BRSK1: variants seen among roughly 807,000 people sequenced by gnomAD.
The protein encoded by BRSK1 is BR serine/threonine kinase 1.
A neutral mutation model predicts 86.2 loss-of-function variants in BRSK1; 17 were observed. The observed-to-expected ratio is 0.20, with a 90% CI of 0.14 to 0.30. The LOEUF is 0.30. BRSK1 is among the 10% of genes least tolerant of loss of function. The probability of loss-of-function intolerance (pLI) is 1.00; values close to 1 mark genes in which losing one functional copy is unlikely to be tolerated. For missense variants in BRSK1, 719 were observed against 1,071.9 expected (o/e 0.67, Z 4.60); for synonymous variants, 464 against 440.1 (o/e 1.05, Z -0.68).
chr19:55,293,501 CAATAAATA>C (rs547605694), intron 4 of BRSK1, among the ~76,000 whole-genome samples: 3 of 148,442 alleles, frequency 2.0e-5, no homozygotes, highest in Non-Finnish European at 3.0e-5. Context: ...GACTCCATCT[CAATAAATA>C]AATAAATAAA....
In BRSK1 at chr19:55,311,912, C is replaced by T. The variant is rs763758750; in HGVS notation, c.2181C>T (p.Asp727=). The T allele has an allele frequency of 1.6e-5, 26 of 1,611,150 alleles. No individual in the cohort carries two copies. The highest frequency in any genetic ancestry group is 3.3e-5 in the South Asian group (3 of 90,928). The change falls in exon 19 of 19, where the codon GAC becomes GAT. Residue 727 remains aspartate (D), a splice_region_variant and synonymous_variant. Transcript: ENST00000309383. The part of the protein sequence containing the change: ...HDQPSVQALA[D]EKNGAQTRPA... ...GAAAAACCTCTTCCTCCCTTGCAGACGAGAAGAACGGGGCCCAGACCCGGC... is the reference window on the plus strand; with the variant it reads ...GAAAAACCTCTTCCTCCCTTGCAGATGAGAAGAACGGGGCCCAGACCCGGC...
rs573142071 is a variant in BRSK1, at chr19:55,303,209, C to G, written c.1029-102C>G. 1.1e-4 allele frequency: 101 copies of G among 928,680 alleles called. No individual in the cohort carries two copies. In the African/African-American group the frequency reaches 1.4e-3, roughly 13 times the overall value. 57.5% of individuals were successfully genotyped at this position (928,680 alleles called of 1,614,324 possible). A position where few individuals can be genotyped will look rare whatever the true frequency, so the allele number is the denominator to read the frequency against. On this transcript the variant is annotated intron_variant, in intron 10 of 18. Transcript: ENST00000309383. The surrounding 1 kb of genome is among the most constrained non-coding windows in gnomAD (Gnocchi z 5.1). ...TACTGATACCTAGAAAAAATGGAAC[C>G]ATGGGCAGAAATACAGGGAGCGGAG...
chr19:55,289,663 C>T, intron 4 of BRSK1, 43 bp downstream of exon 4: 1 of 1,604,102 alleles, frequency 6.2e-7, no homozygotes, highest in Non-Finnish European at 8.5e-7. Flanking sequence ...GAGGGCTGCC[C>T]AGCAGACAGG....
At chr19:55,308,755 G>C (rs2088709228) in intron 18 of BRSK1, 27 bp downstream of exon 18, 1 of 608,044 alleles carries the variant, frequency 1.6e-6, no homozygotes, top group African/African-American at 2.5e-5. Context: ...TGGGTGGTGG[G>C]GGGCGTGGGT....
At position 55,312,220 on chromosome 19, in the gene BRSK1, T is replaced by G; in HGVS notation, c.*152T>G. The G allele has an allele frequency of 2.4e-6, 1 of 408,968 alleles. No homozygotes were observed. The allele number at this position is 408,968 out of a possible 1,614,324, so 25.3% of individuals were successfully genotyped here. ...TGCAGGGATGGGGCTCCACAGGCCG[T>G]GCCCAACTGGGGGTGGTTCTAGGGG... On this transcript the variant is annotated 3_prime_UTR_variant, in exon 19 of 19. Transcript: ENST00000309383.
Position 55,310,971 on chromosome 19 carries a change from GT to G in BRSK1, c.2180-933del, listed in dbSNP as rs929335675. Among the ~76,000 whole-genome samples, 9 of 151,986 alleles carry G rather than the reference GT, an allele frequency of 5.9e-5. No homozygotes were observed. The highest frequency in any genetic ancestry group is 2.2e-4 in the African/African-American group (9 of 41,476). ...GACAAGCCCCCCAGTTTTTGTTTTTGTTTTTTTGAGACAGAATCTCCCTCTG... is the reference window on the plus strand; with the variant it reads ...GACAAGCCCCCCAGTTTTTGTTTTTGTTTTTTGAGACAGAATCTCCCTCTG... On this transcript the variant is annotated intron_variant, in intron 18 of 18. Coordinates refer to ENST00000309383, the MANE Select transcript of BRSK1 (RefSeq NM_032430.2). This position sits in a 1 kb window ranked among gnomAD's most constrained non-coding sequence, Gnocchi z 5.0.
intron 3 of BRSK1, among the ~76,000 whole-genome samples, chr19:55,288,975 CG>C (rs1407432873): frequency 6.6e-6 from 1 of 152,094 alleles, no homozygotes; most frequent in Non-Finnish European, 1.5e-5. Context: ...ACCTTGCAAT[CG>C]TTAATACTCG....
chr19:55,308,624 C>G lies in BRSK1; in HGVS notation c.2090-15C>G. On this transcript the variant is annotated splice_polypyrimidine_tract_variant and intron_variant, in intron 17 of 18. Transcript: ENST00000309383. Reference sequence around the variant, plus strand: ...GACCCCCAGTCAGTGTTTTTCTGCCCGCCTGTGCCTCTAGGTCCCAGCCGT... The same window carrying G: ...GACCCCCAGTCAGTGTTTTTCTGCCGGCCTGTGCCTCTAGGTCCCAGCCGT... The G allele has an allele frequency of 1.2e-6, 2 of 1,606,914 alleles. No homozygotes were observed. The highest frequency in any genetic ancestry group is 3.3e-4 in the Middle Eastern group (2 of 6,032).
chr19:55,303,886 C>G lies in BRSK1; in HGVS notation c.1286+60C>G, dbSNP rs1389964438. The G allele has an allele frequency of 1.3e-6, 2 of 1,530,104 alleles. No individual in the cohort carries two copies. Among genetic ancestry groups the G allele is most frequent in the Non-Finnish European group, 1.8e-6 (2 of 1,139,172 alleles). 94.8% of individuals were successfully genotyped at this position (1,530,104 alleles called of 1,614,324 possible). A position where few individuals can be genotyped will look rare whatever the true frequency, so the allele number is the denominator to read the frequency against. On this transcript the variant is annotated intron_variant, in intron 12 of 18. Transcript: ENST00000309383. This position sits in a 1 kb window ranked among gnomAD's most constrained non-coding sequence, Gnocchi z 5.1. ...TCCCTGGGTCTAGGAGTTCAAGATTCTAACCCCAGCTCTACCTCAAATGTG... is the reference window on the plus strand; with the variant it reads ...TCCCTGGGTCTAGGAGTTCAAGATTGTAACCCCAGCTCTACCTCAAATGTG...
chr19:55,309,421 G>A (rs1020760228), intron 18 of BRSK1, among the ~76,000 whole-genome samples: 8 of 152,196 alleles, frequency 5.3e-5, no homozygotes, highest in African/African-American at 1.7e-4. Context: ...GCTACTATAA[G>A]AAAATACCAT....
chr19:55,308,539 G>A (rs931397811), intron 17 of BRSK1, 100 bp from the exon 18 acceptor site: 4 of 804,068 alleles, frequency 5.0e-6, no homozygotes, highest in Non-Finnish European at 6.6e-6. Context: ...TGCAGGGGGG[G>A]TGTTGTGTGC....
chr19:55,304,615 C>T lies in BRSK1; in HGVS notation c.1412C>T (p.Pro471Leu). The T allele has an allele frequency of 1.9e-6, 3 of 1,561,080 alleles. No homozygotes were observed. The highest frequency in any genetic ancestry group is 2.4e-5 in the South Asian group (2 of 84,734). Residue 471 changes from proline to leucine, a missense_variant, in exon 14 of 19, where the codon CCG (proline) becomes CTG (leucine). This residue lies in a region of BRSK1 where 143 missense variants were observed against 120.1 expected (regional missense o/e 1.19). Coordinates refer to ENST00000309383, the MANE Select transcript of BRSK1 (RefSeq NM_032430.2). This position sits in a 1 kb window ranked among gnomAD's most constrained non-coding sequence, Gnocchi z 5.2. ...GATGAGGCTCGAGGCGGGGGCTCCC[C>T]GACTTCCAAAACGCAGACGCTGCCT... ...AGDEARGGGS[P>L]TSKTQTLPSR...
Position 55,284,076 on chromosome 19 carries a change from G to C in BRSK1, c.-367G>C. 1 of 1,024,406 alleles carries C rather than the reference G, an allele frequency of 9.8e-7. No homozygotes were observed. The highest frequency in any genetic ancestry group is 1.3e-6 in the Non-Finnish European group (1 of 798,592). 63.5% of individuals were successfully genotyped at this position (1,024,406 alleles called of 1,614,324 possible). A position where few individuals can be genotyped will look rare whatever the true frequency, so the allele number is the denominator to read the frequency against. ...AGAGGAGGAGGAGGCGGAGGAGAGA[G>C]GGCGCGTGGGGGGGCGGGGGGGACC... On this transcript the variant is annotated 5_prime_UTR_variant, in exon 1 of 19. Coordinates refer to ENST00000309383, the MANE Select transcript of BRSK1 (RefSeq NM_032430.2).
intron 14 of BRSK1, 105 bp downstream of exon 14, chr19:55,305,025 G>T: frequency 6.6e-7 from 1 of 1,505,334 alleles, no homozygotes; most frequent in Non-Finnish European, 8.9e-7. Context: ...AGGGACTGGG[G>T]GCCTGGATTC....
intron 4 of BRSK1, among the ~76,000 whole-genome samples, chr19:55,291,862 G>A (rs781448844): frequency 5.3e-5 from 8 of 152,176 alleles, no homozygotes; most frequent in East Asian, 3.9e-4. Context: ...AGGTTCGAGC[G>A]ATTCTCCTGT....
In BRSK1 at chr19:55,298,017, G is replaced by T. The variant is rs1182670088; in HGVS notation, c.679-3495G>T. ...TTTAGTAGAGATGGGGTTTCTCCAT[G>T]TTGGCCAGGCTGGTCTCGAACTCCT... On this transcript the variant is annotated intron_variant, in intron 7 of 18. Transcript: ENST00000309383. Among the ~76,000 whole-genome samples the T allele has an allele frequency of 3.9e-5, 6 of 151,916 alleles. No individual in the cohort carries two copies. The East Asian group carries it at 5.8e-4, about 15-fold the overall frequency.
chr19:55,312,505 GCGTC>G lies in BRSK1; in HGVS notation c.*441_*444del, dbSNP rs1184957652. On this transcript the variant is annotated 3_prime_UTR_variant, in exon 19 of 19. Coordinates refer to ENST00000309383, the MANE Select transcript of BRSK1 (RefSeq NM_032430.2). The stretch of plus-strand genomic sequence containing the variant: ...ATTCTGGTTTCGCGTGATCCTGCCT[GCGTC>G]CGTGTCTCTGATTCCGCCGGCGGCA... 6.2e-6 allele frequency: 1 copy of G among 161,538 alleles called. No homozygotes were observed. The highest frequency in any genetic ancestry group is 1.1e-5 in the Non-Finnish European group (1 of 88,846). 10.0% of individuals were successfully genotyped at this position (161,538 alleles called of 1,614,324 possible).
chr19:55,295,658 T>C (rs1276606262), intron 7 of BRSK1, among the ~76,000 whole-genome samples: 2 of 152,124 alleles, frequency 1.3e-5, no homozygotes, highest in Non-Finnish European at 2.9e-5. Flanking sequence ...TCTAGGGCAT[T>C]GTGATACTGT....
At chr19:55,301,940 C>CG (rs2088576500) in intron 8 of BRSK1, 197 bp from the exon 9 acceptor site, 1 of 817,266 alleles carries the variant, frequency 1.2e-6, no homozygotes, top group South Asian at 1.5e-5. Flanking sequence ...GCGGCCGGTC[C>CG]GGGGTACACG....
Sources: gnomAD v4.1 joint callset for allele counts (sites outside exome capture counted in the v4.1 genomes callset) on GRCh38, gnomAD v4.1.1 for gene constraint, gnomAD v4.1.1 regional missense constraint, Gnocchi (gnomAD v3.1) non-coding constraint, MANE v1.5 for transcripts, NCBI Gene and HGNC (gene_info 2026-07-23, HGNC 2026-07-21) for gene names.